Variants in CTHRC1 observed in about 807,000 individuals in gnomAD.
CTHRC1 encodes collagen triple helix repeat containing 1, also known as collagen triple helix repeat-containing protein 1.
In CTHRC1, 21 loss-of-function variants were observed where a neutral mutation model predicts 25.9. The observed-to-expected ratio is 0.81, with a 90% CI of 0.57 to 1.17. The LOEUF is 1.17. CTHRC1 is among the 50% of genes most tolerant of loss of function. The pLI, the probability that CTHRC1 is intolerant of heterozygous loss-of-function variation, is 0.00. For synonymous variants in CTHRC1, 109 were observed against 113.1 expected (o/e 0.96, Z 0.23); for missense variants, 281 against 304.3 (o/e 0.92, Z 0.57).
At position 103,378,259 on chromosome 8, in the gene CTHRC1, A is replaced by G. The variant is rs1410755749; in HGVS notation, c.589+16A>G. On this transcript the variant is annotated intron_variant, in intron 3 of 3. Coordinates refer to ENST00000330295, the MANE Select transcript of CTHRC1 (RefSeq NM_138455.4). Reference sequence around the variant, plus strand: ...ACTTCTTCTGGTATGTAAAATTGTGACATTGCAAGATGTGCCTCAGATCTA... The same window carrying G: ...ACTTCTTCTGGTATGTAAAATTGTGGCATTGCAAGATGTGCCTCAGATCTA... The G allele has an allele frequency of 6.9e-6, 11 of 1,591,478 alleles. No individual in the cohort carries two copies. In the Admixed American group the frequency reaches 1.2e-4, roughly 17 times the overall value.
At chr8:103,382,407 A>T (rs769101248) in intron 3 of CTHRC1, 51 bp from the exon 4 acceptor site, 14 of 1,591,176 alleles carry the variant, frequency 8.8e-6, no homozygotes, top group Admixed American at 5.0e-5. Flanking sequence ...TAACTAAAGG[A>T]TTTTGCTCTT....
intron 3 of CTHRC1, among the ~76,000 whole-genome samples, chr8:103,380,552 A>G (rs1815889005): frequency 6.6e-6 from 1 of 152,230 alleles, no homozygotes; most frequent in South Asian, 2.1e-4. Flanking sequence ...GTCATCTGTT[A>G]CATGGTCTAG....
At position 103,378,122 on chromosome 8, in the gene CTHRC1, T is replaced by C; in HGVS notation, c.468T>C (p.Arg156=). ...AATGCAGAAATGCATGCTGTCAGCGTTGGTATTTCACATTCAATGGAGCTG... is the reference window on the plus strand; with the variant it reads ...AATGCAGAAATGCATGCTGTCAGCGCTGGTATTTCACATTCAATGGAGCTG... ...RLKCRNACCQ[R]WYFTFNGAEC... Residue 156 remains arginine (R), a synonymous_variant, in exon 3 of 4, where the codon CGT becomes CGC. Transcript: ENST00000330295. 8 of 1,614,188 alleles carry C rather than the reference T, an allele frequency of 5.0e-6. No individual in the cohort carries two copies. Among genetic ancestry groups the C allele is most frequent in the Non-Finnish European group, 6.8e-6 (8 of 1,179,994 alleles).
intron 1 of CTHRC1, chr8:103,372,625 G>A (rs758780981): frequency 5.0e-6 from 8 of 1,598,234 alleles, no homozygotes; most frequent in East Asian, 2.2e-5. Context: ...GAAATGAACG[G>A]CCCGAGTGCT....
At chr8:103,381,327 T>G (rs1361497423) in intron 3 of CTHRC1, among the ~76,000 whole-genome samples, 2 of 148,216 alleles carry the variant, frequency 1.3e-5, no homozygotes, top group East Asian at 4.3e-4. Context: ...TTCCCACTTA[T>G]GAGTGAGCAA....
chr8:103,379,848 A>G (rs1361489252), intron 3 of CTHRC1, among the ~76,000 whole-genome samples: 1 of 152,040 alleles, frequency 6.6e-6, no homozygotes, highest in African/African-American at 2.4e-5. Flanking sequence ...TCCCCTCCAC[A>G]TTTTCCCTCA....
intron 3 of CTHRC1, 32 bp downstream of exon 3, chr8:103,378,275 C>G: frequency 6.5e-7 from 1 of 1,546,114 alleles, no homozygotes; most frequent in Non-Finnish European, 8.9e-7. Context: ...CAAGATGTGC[C>G]TCAGATCTAA....
intron 3 of CTHRC1, among the ~76,000 whole-genome samples, chr8:103,381,416 C>T (rs907404477): frequency 2.0e-5 from 3 of 151,908 alleles, no homozygotes; most frequent in Non-Finnish European, 2.9e-5. Flanking sequence ...TTTACACATA[C>T]ATCAAAGGTA....
rs1447122449 is a variant in CTHRC1, at chr8:103,382,532, C to G, written c.664C>G (p.Pro222Ala). The change falls in exon 4 of 4, where the codon CCA (proline) becomes GCA (alanine). Residue 222 changes from proline (P) to alanine (A), a missense_variant. Pro to Ala is a conservative substitution (Grantham distance 27). Transcript: ENST00000330295. ...AIWVGTCSDY[P>A]KGDASTGWNS... Reference sequence around the variant, plus strand: ...CTGGGTTGGTACTTGTTCAGATTACCCAAAAGGAGATGCTTCTACTGGATG... The same window carrying G: ...CTGGGTTGGTACTTGTTCAGATTACGCAAAAGGAGATGCTTCTACTGGATG... The G allele has an allele frequency of 6.2e-7, 1 of 1,613,280 alleles. No homozygotes were observed. Among genetic ancestry groups the G allele is most frequent in the Non-Finnish European group, 8.5e-7 (1 of 1,179,368 alleles).
intron 3 of CTHRC1, 135 bp downstream of exon 3, chr8:103,378,378 T>A: frequency 1.9e-5 from 14 of 727,002 alleles, no homozygotes; most frequent in Non-Finnish European, 3.2e-5. Flanking sequence ...TTCTCCACCC[T>A]GGGTTGTACT....
chr8:103,382,760 T>G lies in CTHRC1; in HGVS notation c.*160T>G. The G allele has an allele frequency of 1.3e-6, 1 of 743,628 alleles. No homozygotes were observed. Among genetic ancestry groups the G allele is most frequent in the Non-Finnish European group, 2.4e-6 (1 of 424,676 alleles). 46.1% of individuals were successfully genotyped at this position (743,628 alleles called of 1,614,324 possible). ...TTTCACACTGTTTTTAAATCTAGCATTATTCATTTTGCTTCAATCAAAAGT... is the reference window on the plus strand; with the variant it reads ...TTTCACACTGTTTTTAAATCTAGCAGTATTCATTTTGCTTCAATCAAAAGT... On this transcript the variant is annotated 3_prime_UTR_variant, in exon 4 of 4. Transcript: ENST00000330295.
chr8:103,377,931 G>A (rs1815834842), intron 2 of CTHRC1, 96 bp from the exon 3 acceptor site: 1 of 1,060,918 alleles, frequency 9.4e-7, no homozygotes. Context: ...TACATTTTGG[G>A]GAAAAGGATA....
chr8:103,382,751 A>T lies in CTHRC1; in HGVS notation c.*151A>T. On this transcript the variant is annotated 3_prime_UTR_variant, in exon 4 of 4. Coordinates refer to ENST00000330295, the MANE Select transcript of CTHRC1 (RefSeq NM_138455.4). ...AAAGTGTGATTTCACACTGTTTTTA[A>T]ATCTAGCATTATTCATTTTGCTTCA... 1 of 779,846 alleles carries T rather than the reference A, an allele frequency of 1.3e-6. No individual in the cohort carries two copies. 48.3% of individuals were successfully genotyped at this position (779,846 alleles called of 1,614,324 possible). A position where few individuals can be genotyped will look rare whatever the true frequency, so the allele number is the denominator to read the frequency against.
At chr8:103,373,463 G>T (rs137984081) in intron 1 of CTHRC1, among the ~76,000 whole-genome samples, 3 of 150,850 alleles carry the variant, frequency 2.0e-5, no homozygotes, top group African/African-American at 7.3e-5. Context: ...TCATTCCACA[G>T]ACATTTATTG....
rs369875487 is a variant in CTHRC1, at chr8:103,377,982, A to G, written c.373-45A>G. On this transcript the variant is annotated intron_variant, in intron 2 of 3. Transcript: ENST00000330295. ...CCAGTCTCAAAAGCTCTTTTTAATTAAAATAGAAAATGTTAATTAAATCCC... is the reference window on the plus strand; with the variant it reads ...CCAGTCTCAAAAGCTCTTTTTAATTGAAATAGAAAATGTTAATTAAATCCC... The G allele has an allele frequency of 3.0e-4, 449 of 1,472,382 alleles. 1 individual carries two copies. Among genetic ancestry groups the G allele is most frequent in the South Asian group, 6.4e-4 (56 of 88,090 alleles). 91.2% of individuals were successfully genotyped at this position (1,472,382 alleles called of 1,614,324 possible).
chr8:103,381,326 A>G (rs1442993965), intron 3 of CTHRC1, among the ~76,000 whole-genome samples: 2 of 143,790 alleles, frequency 1.4e-5, no homozygotes, highest in African/African-American at 5.2e-5. Flanking sequence ...ATTCCCACTT[A>G]TGAGTGAGCA....
intron 2 of CTHRC1, among the ~76,000 whole-genome samples, chr8:103,376,573 C>T (rs1362174108): frequency 6.6e-6 from 1 of 152,170 alleles, no homozygotes; most frequent in African/African-American, 2.4e-5. Flanking sequence ...TTAGTGTTTG[C>T]TTCAAAAGTA....
At chr8:103,374,132 C>T (rs983543952) in intron 1 of CTHRC1, among the ~76,000 whole-genome samples, 2 of 151,776 alleles carry the variant, frequency 1.3e-5, no homozygotes, top group Non-Finnish European at 2.9e-5. Context: ...TTTCTTCTTA[C>T]AGTCAGGAAA....
intron 1 of CTHRC1, among the ~76,000 whole-genome samples, chr8:103,374,654 C>A (rs1182777891): frequency 6.6e-6 from 1 of 152,222 alleles, no homozygotes; most frequent in Non-Finnish European, 1.5e-5. Context: ...AGTGGACACA[C>A]TTACCCAGAG....
Sources: allele counts gnomAD v4.1 joint callset (sites outside exome capture counted in the v4.1 genomes callset), GRCh38; gene constraint gnomAD v4.1.1; transcripts MANE v1.5; gene names NCBI Gene and HGNC (gene_info 2026-07-23, HGNC 2026-07-21).